POLH: variants seen among roughly 807,000 people sequenced by gnomAD.
POLH encodes the protein DNA polymerase eta.
A neutral mutation model predicts 73.6 loss-of-function variants in POLH; 53 were observed. The ratio of observed to expected loss-of-function variants is 0.72; its 90% CI spans 0.58 to 0.91. The LOEUF is 0.91. Ranked by LOEUF, POLH falls within the 40% of genes least tolerant of loss-of-function variation. The pLI, the probability that POLH is intolerant of heterozygous loss-of-function variation, is 0.00. For missense variants in POLH, 768 were observed against 865.4 expected, an observed-to-expected ratio of 0.89 and a Z score of 1.41; for synonymous variants, 292 against 308.5, an observed-to-expected ratio of 0.95 and a Z score of 0.56.
At chr6:43,586,124 A>G (rs1281745813) in intron 3 of POLH, among the ~76,000 whole-genome samples, 1 of 152,198 alleles carries the variant, frequency 6.6e-6, no homozygotes, top group Non-Finnish European at 1.5e-5. Context: ...TGGTAAATAT[A>G]AAGTCAATAG....
At chr6:43,595,710 G>T (rs1765972384) in intron 4 of POLH, among the ~76,000 whole-genome samples, 1 of 152,132 alleles carries the variant, frequency 6.6e-6, no homozygotes, top group Non-Finnish European at 1.5e-5. Flanking sequence ...GTGGACCCAG[G>T]AGGTGAAGCT....
At position 43,583,003 on chromosome 6, in the gene POLH, T is replaced by A. The variant is rs1168567801; in HGVS notation, c.138-4T>A. 1 of 1,612,444 alleles carries A rather than the reference T, an allele frequency of 6.2e-7. No individual in the cohort carries two copies. The highest frequency in any genetic ancestry group is 2.2e-5 in the East Asian group (1 of 44,886). ...TTTCTGTTTCCTTTTTTTTCTAACC[T>A]TAGAATAATTGCAGTGAGTTATGAA... On this transcript the variant is annotated splice_region_variant and splice_polypyrimidine_tract_variant and intron_variant, in intron 2 of 10. Coordinates refer to ENST00000372236, the MANE Select transcript of POLH (RefSeq NM_006502.3).
At chr6:43,601,171 A>G (rs1766694584) in intron 6 of POLH, 80 bp downstream of exon 6, 2 of 1,004,686 alleles carry the variant, frequency 2.0e-6, no homozygotes, top group African/African-American at 1.6e-5. Context: ...TGTGTTACTA[A>G]TTAAGGACTG....
At chr6:43,583,769 T>A (rs1764521030) in intron 3 of POLH, among the ~76,000 whole-genome samples, 2 of 152,196 alleles carry the variant, frequency 1.3e-5, no homozygotes, top group African/African-American at 2.4e-5. Flanking sequence ...CTGACATTGT[T>A]ATAAGGTAGG....
Position 43,615,820 on chromosome 6 carries a change from G to A in POLH, c.*1263G>A, listed in dbSNP as rs1056875179. On this transcript the variant is annotated 3_prime_UTR_variant, in exon 11 of 11. Coordinates refer to ENST00000372236, the MANE Select transcript of POLH (RefSeq NM_006502.3). ...CCCAAGTAGCTGGGACTACAGGCAC[G>A]TGCTACCACACTCAGCTAATTTTTG... 4.6e-5 allele frequency among the ~76,000 whole-genome samples: 7 copies of A among 151,480 alleles called. No homozygotes were observed. The highest frequency in any genetic ancestry group is 7.3e-5 in the African/African-American group (3 of 41,314).
intron 3 of POLH, among the ~76,000 whole-genome samples, chr6:43,584,483 A>G (rs1764596376): frequency 6.6e-6 from 1 of 152,166 alleles, no homozygotes; most frequent in Non-Finnish European, 1.5e-5. Flanking sequence ...TTTTAGAAAA[A>G]CTCAAACTAT....
At chr6:43,607,854 C>A (rs1767467407) in intron 9 of POLH, among the ~76,000 whole-genome samples, 1 of 152,116 alleles carries the variant, frequency 6.6e-6, no homozygotes, top group Non-Finnish European at 1.5e-5. Flanking sequence ...TTGTTGAAAT[C>A]CTGTTCCTGG....
At chr6:43,586,598 A>G (rs1300843205) in intron 3 of POLH, among the ~76,000 whole-genome samples, 1 of 152,108 alleles carries the variant, frequency 6.6e-6, no homozygotes, top group Non-Finnish European at 1.5e-5. Context: ...TGGTATGTAT[A>G]CCCTGAGGAA....
chr6:43,600,448 C>T (rs2127799193), intron 5 of POLH, among the ~76,000 whole-genome samples: 1 of 151,936 alleles, frequency 6.6e-6, no homozygotes, highest in Admixed American at 6.6e-5. Context: ...AGGATTTAAG[C>T]TTTTTCATTT....
intron 1 of POLH, among the ~76,000 whole-genome samples, chr6:43,581,464 G>T (rs1439745527): frequency 7.0e-6 from 1 of 143,496 alleles, no homozygotes; most frequent in African/African-American, 2.7e-5. Flanking sequence ...CGGCCAGGCA[G>T]AGACACTCCT....
chr6:43,583,033 G>A lies in POLH; in HGVS notation c.164G>A (p.Arg55His), dbSNP rs767635175. 2.2e-5 allele frequency: 35 copies of A among 1,613,320 alleles called. No homozygotes were observed. The Admixed American group carries it at 4.8e-4, about 22-fold the overall frequency. The change falls in exon 3 of 11, where the codon CGT (arginine) becomes CAT (histidine). Residue 55 changes from arginine to histidine, a missense_variant. Transcript: ENST00000372236. ...GGIIAVSYEA[R>H]AFGVTRSMWA... ...ATAATTGCAGTGAGTTATGAAGCTC[G>A]TGCATTTGGAGTCACTAGAAGTATG... is the stretch of plus-strand genomic sequence containing the variant.
chr6:43,618,828 G>A lies in POLH; in HGVS notation c.*4271G>A, dbSNP rs56786163. Among the ~76,000 whole-genome samples, 151 of 150,944 alleles carry A rather than the reference G, an allele frequency of 1.0e-3. No homozygotes were observed. The highest frequency in any genetic ancestry group is 6.9e-3 in the Middle Eastern group (2 of 290). ...GTATTTTTAGTAGAGATGGGGTTTC[G>A]CCACGTTGGCCAGGCTGGTCTTGAA... On this transcript the variant is annotated 3_prime_UTR_variant, in exon 11 of 11. Transcript: ENST00000372236.
chr6:43,591,931 T>C (rs1181004932), intron 4 of POLH, among the ~76,000 whole-genome samples: 1 of 152,220 alleles, frequency 6.6e-6, no homozygotes, highest in African/African-American at 2.4e-5. Flanking sequence ...CCTTCCTTGG[T>C]AGTTGAATGT....
intron 4 of POLH, among the ~76,000 whole-genome samples, chr6:43,595,183 G>A (rs1026347513): frequency 7.3e-4 from 108 of 147,656 alleles, no homozygotes; most frequent in African/African-American, 2.6e-3. Flanking sequence ...TTTCTTTTTT[G>A]AGGTGGAGTG....
rs962705259 is a variant in POLH at position 43,614,994 on chromosome 6, A to G, written c.*437A>G. 2 of 166,940 alleles carry G rather than the reference A, an allele frequency of 1.2e-5. No individual in the cohort carries two copies. Among genetic ancestry groups the G allele is most frequent in the African/African-American group, 4.8e-5 (2 of 41,578 alleles). The allele number at this position is 166,940 out of a possible 1,614,324, so 10.3% of individuals were successfully genotyped here. A position where few individuals can be genotyped will look rare whatever the true frequency, so the allele number is the denominator to read the frequency against. Reference sequence around the variant, plus strand: ...TTCAAATTATGTAACTCGGCCGGGTACAATGGCTCACGCCTGTAATCCTAA... The same window carrying G: ...TTCAAATTATGTAACTCGGCCGGGTGCAATGGCTCACGCCTGTAATCCTAA... On this transcript the variant is annotated 3_prime_UTR_variant, in exon 11 of 11. Coordinates refer to ENST00000372236, the MANE Select transcript of POLH (RefSeq NM_006502.3).
Position 43,597,787 on chromosome 6 carries a change from A to T in POLH, c.582A>T (p.Ala194=), listed in dbSNP as rs1360704173. The change falls in exon 5 of 11, where the codon GCA becomes GCT. Residue 194 remains alanine, a synonymous_variant. Transcript: ENST00000372236. ...TSPDLQLTVG[A]VIVEEMRAAI... is the part of the protein sequence containing the mutation. Reference sequence around the variant, plus strand: ...CAGACCTGCAGCTCACCGTGGGAGCAGTGATTGTGGAGGAAATGAGAGCAG... The same window carrying T: ...CAGACCTGCAGCTCACCGTGGGAGCTGTGATTGTGGAGGAAATGAGAGCAG... 6.2e-7 allele frequency: 1 copy of T among 1,613,572 alleles called. No individual in the cohort carries two copies. Among genetic ancestry groups the T allele is most frequent in the Non-Finnish European group, 8.5e-7 (1 of 1,179,464 alleles).
intron 4 of POLH, 70 bp from the exon 5 acceptor site, chr6:43,597,626 C>G (rs1766233534): frequency 7.1e-7 from 1 of 1,404,210 alleles, no homozygotes; most frequent in Non-Finnish European, 1.0e-6. Flanking sequence ...CTAAGCATTT[C>G]TACATTAGAT....
intron 6 of POLH, among the ~76,000 whole-genome samples, chr6:43,601,828 C>T (rs1349123385): frequency 6.6e-6 from 1 of 152,038 alleles, no homozygotes; most frequent in African/African-American, 2.4e-5. Flanking sequence ...GGAGGCGAGG[C>T]AGGTGGATCA....
At chr6:43,597,975 C>A in intron 5 of POLH, 110 bp downstream of exon 5, 3 of 937,542 alleles carry the variant, frequency 3.2e-6, no homozygotes, top group Non-Finnish European at 3.4e-6. Flanking sequence ...CAGTTTCGCA[C>A]GCCTATGTGA....
Sources: allele counts gnomAD v4.1 joint callset (sites outside exome capture counted in the v4.1 genomes callset), GRCh38; gene constraint gnomAD v4.1.1; transcripts MANE v1.5; gene names NCBI Gene and HGNC (gene_info 2026-07-23, HGNC 2026-07-21).